The following ZXDC variants were observed in gnomAD, a reference collection of about 807,000 sequenced individuals.
The protein encoded by ZXDC is ZXD family zinc finger C.
Under a neutral mutation model 63.6 loss-of-function variants are expected in ZXDC, and 58 were observed. That is an observed-to-expected ratio of 0.91 (90% CI 0.74 to 1.13). The LOEUF is 1.13. Ranked by LOEUF, ZXDC falls within the 50% of genes most tolerant of loss-of-function variation. The pLI is 0.00. For missense variants in ZXDC, 1,133 were observed against 1,148.9 expected (o/e 0.99, Z 0.20); for synonymous variants, 561 against 496.1 (o/e 1.13, Z -1.74).
At chr3:126,465,711 G>A (rs961519375) in intron 5 of ZXDC, among the ~76,000 whole-genome samples, 1 of 152,216 alleles carries the variant, frequency 6.6e-6, no homozygotes, top group African/African-American at 2.4e-5. Context: ...AGCACTTTGG[G>A]AGGCTGAGGT....
intron 7 of ZXDC, among the ~76,000 whole-genome samples, chr3:126,449,231 C>T (rs969531296): frequency 6.6e-6 from 1 of 152,212 alleles, no homozygotes; most frequent in South Asian, 2.1e-4. Context: ...AAAGCTTTTA[C>T]CTTTTTTTAT....
At chr3:126,451,775 C>T (rs1457635002) in intron 7 of ZXDC, 10 of 985,214 alleles carry the variant, frequency 1.0e-5, no homozygotes, top group Admixed American at 6.2e-5. Flanking sequence ...GCTCTCTGTG[C>T]GGACGTGTCT....
In ZXDC at chr3:126,467,958, A is replaced by C. The variant is rs201228085; in HGVS notation, c.1271-1633T>G. ...AAGTACTTGCTAATTCCATAGGCAA[A>C]AAATATATTTCATTTTGGTTTGTAT... On this transcript the variant is annotated intron_variant, in intron 4 of 9. Transcript: ENST00000389709. Among the ~76,000 whole-genome samples, 7 of 152,344 alleles carry C rather than the reference A, an allele frequency of 4.6e-5. No homozygotes were observed. In the East Asian group the frequency reaches 1.4e-3, roughly 29 times the overall value.
intron 7 of ZXDC, among the ~76,000 whole-genome samples, chr3:126,447,661 C>A (rs1022884473): frequency 1.3e-5 from 2 of 152,196 alleles, no homozygotes; most frequent in Non-Finnish European, 2.9e-5. Flanking sequence ...CAGCTGGCTG[C>A]TCTCTAGTAT....
At chr3:126,466,393 C>G in intron 4 of ZXDC, 68 bp from the exon 5 acceptor site, 1 of 1,589,102 alleles carries the variant, frequency 6.3e-7, no homozygotes, top group Admixed American at 1.7e-5. Context: ...AGTGACACTT[C>G]CCCATCAGAT....
At chr3:126,438,530 C>T (rs1415969789) in intron 9 of ZXDC, 69 bp from the exon 10 acceptor site, 17 of 1,423,700 alleles carry the variant, frequency 1.2e-5, no homozygotes, top group Non-Finnish European at 1.7e-5. Context: ...TGGCTCCACA[C>T]AGCAGGACAC....
At chr3:126,457,808 T>TG (rs1406216493) in intron 7 of ZXDC, 13 of 348,140 alleles carry the variant, frequency 3.7e-5, no homozygotes, top group African/African-American at 2.4e-4. Context: ...CACCAGAGGC[T>TG]GGGGGTCTCC....
chr3:126,469,706 G>A (rs1934905730), intron 4 of ZXDC, among the ~76,000 whole-genome samples: 1 of 152,070 alleles, frequency 6.6e-6, no homozygotes, highest in African/African-American at 2.4e-5. Context: ...CACGTGTCTG[G>A]TGCTCTCCCC....
In ZXDC at chr3:126,441,430, C is replaced by T. The variant is rs555985214; in HGVS notation, c.2394+335G>A. On this transcript the variant is annotated intron_variant, in intron 8 of 9. Transcript: ENST00000389709. ...AAGGGCAGGGTGGCCTCAAACAGAT[C>T]TCATCCTGCTGCAAAACAGCCCTGG... is the stretch of plus-strand genomic sequence containing the variant. The T allele has an allele frequency of 2.3e-5, 26 of 1,124,388 alleles. 1 individual carries two copies. The South Asian group carries it at 1.1e-3, about 47-fold the overall frequency. 69.7% of individuals were successfully genotyped at this position (1,124,388 alleles called of 1,614,324 possible).
chr3:126,459,466 T>C (rs567988810), intron 7 of ZXDC, 187 bp downstream of exon 7: 1 of 985,488 alleles, frequency 1.0e-6, no homozygotes, highest in South Asian at 4.7e-5. Flanking sequence ...TTCATACTGA[T>C]GCTGGGAATT....
chr3:126,461,575 TG>T lies in ZXDC; in HGVS notation c.2086del (p.Gln696ArgfsTer29). The T allele has an allele frequency of 6.2e-7, 1 of 1,614,114 alleles. No individual in the cohort carries two copies. The highest frequency in any genetic ancestry group is 8.5e-7 in the Non-Finnish European group (1 of 1,179,958). Reference sequence around the variant, plus strand: ...AGTGCCTGCACTGAGCTCTGTGTCCTGGGCACCGTGCTGCTCTGCTGGACTG... The same window carrying T: ...AGTGCCTGCACTGAGCTCTGTGTCCTGGCACCGTGCTGCTCTGCTGGACTG... Reference protein sequence around the residue: ...LPSPAEQHGAQDTELSAGTGN... With the variant: ...LPSPAEQHGAXDTELSAGTGN... On this transcript the variant is annotated frameshift_variant, in exon 6 of 10. Transcript: ENST00000389709. LOFTEE classifies it high-confidence loss of function.
At position 126,470,921 on chromosome 3, in the gene ZXDC, G is replaced by A. The variant is rs759835778; in HGVS notation, c.1244C>T (p.Thr415Ile). 6 of 1,614,214 alleles carry A rather than the reference G, an allele frequency of 3.7e-6. No homozygotes were observed. The highest frequency in any genetic ancestry group is 5.1e-6 in the Non-Finnish European group (6 of 1,180,034). ...LKGHSITHLG[T>I]KPFECPVEGC... is the part of the protein sequence containing the mutation. ...TTCCACAGGACACTCGAACGGCTTT[G>A]TGCCTAGGTGGGTTATGCTGTGGCC... The change falls in exon 4 of 10, where the codon ACA (threonine) becomes ATA (isoleucine). Residue 415 changes from threonine (T) to isoleucine (I), a missense_variant. Transcript: ENST00000389709.
At position 126,441,549 on chromosome 3, in the gene ZXDC, C is replaced by CA. The variant is rs578261038; in HGVS notation, c.2394+215dup. 539 of 1,316,310 alleles carry CA rather than the reference C, an allele frequency of 4.1e-4. 2 individuals carry two copies. The African/African-American group carries it at 7.3e-3, about 18-fold the overall frequency. 81.5% of individuals were successfully genotyped at this position (1,316,310 alleles called of 1,614,324 possible). Reference sequence around the variant, plus strand: ...GTGGATGCACGGTCCCAGCAACACTCAGAGCTTGAGCAGATGCAGGACAGG... The same window carrying CA: ...GTGGATGCACGGTCCCAGCAACACTCAAGAGCTTGAGCAGATGCAGGACAGG... On this transcript the variant is annotated intron_variant, in intron 8 of 9. Coordinates refer to ENST00000389709, the MANE Select transcript of ZXDC (RefSeq NM_025112.5).
intron 7 of ZXDC, among the ~76,000 whole-genome samples, chr3:126,456,333 C>T (rs1310941066): frequency 3.3e-5 from 5 of 152,224 alleles, no homozygotes; most frequent in South Asian, 4.1e-4. Context: ...TGGGCCACTT[C>T]CACAGTCTGT....
rs1298621094 is a variant in ZXDC at position 126,453,788 on chromosome 3, G to T, written c.2212+5865C>A. The T allele has an allele frequency of 4.1e-6, 4 of 976,882 alleles. No homozygotes were observed. The African/African-American group carries it at 7.1e-5, about 17-fold the overall frequency. The allele number at this position is 976,882 out of a possible 1,614,324, so 60.5% of individuals were successfully genotyped here. ...TGGCTCACTGCAACCTCTGCCTCCC[G>T]GGTTCAAGCGATTCTCCTGCCTCAG... is the stretch of plus-strand genomic sequence containing the variant. On this transcript the variant is annotated intron_variant, in intron 7 of 9. Coordinates refer to ENST00000389709, the MANE Select transcript of ZXDC (RefSeq NM_025112.5).
chr3:126,462,303 T>C (rs2107649029), intron 5 of ZXDC, 83 bp from the exon 6 acceptor site: 1 of 1,493,580 alleles, frequency 6.7e-7, no homozygotes, highest in Non-Finnish European at 8.8e-7. Flanking sequence ...TGTTACCGAG[T>C]GATGCCCCAA....
intron 7 of ZXDC, chr3:126,457,197 C>G: frequency 1.1e-6 from 1 of 933,258 alleles, no homozygotes; most frequent in African/African-American, 1.8e-5. Context: ...GCTGCCAGGA[C>G]TGCGGCCACA....
chr3:126,448,054 A>C (rs1375291192), intron 7 of ZXDC, among the ~76,000 whole-genome samples: 2 of 150,768 alleles, frequency 1.3e-5, no homozygotes, highest in African/African-American at 4.9e-5. Context: ...TCTCATCCAG[A>C]AAGGTGGGGA....
intron 7 of ZXDC, among the ~76,000 whole-genome samples, chr3:126,455,724 A>G (rs1034271338): frequency 4.6e-5 from 7 of 152,164 alleles, no homozygotes; most frequent in Non-Finnish European, 7.4e-5. Flanking sequence ...GAGGCCGGGC[A>G]TGGTGGCTCA....
Sources: allele counts gnomAD v4.1 joint callset (sites outside exome capture counted in the v4.1 genomes callset), GRCh38; gene constraint gnomAD v4.1.1; transcripts MANE v1.5; gene names NCBI Gene and HGNC (gene_info 2026-07-23, HGNC 2026-07-21).